MFN2: variants seen among roughly 807,000 people sequenced by gnomAD.
The protein encoded by MFN2 is mitofusin 2.
In MFN2, 43 loss-of-function variants were observed where a neutral mutation model predicts 87.5. The ratio of observed to expected loss-of-function variants is 0.49; its 90% CI spans 0.38 to 0.63. MFN2 has a LOEUF of 0.63. MFN2 is among the 30% of genes least tolerant of loss of function. The pLI is 0.00. For missense variants in MFN2, 743 were observed against 972.8 expected (o/e 0.76, Z 3.14); for synonymous variants, 337 against 359.9 (o/e 0.94, Z 0.72).
chr1:11,990,320 C>T (rs1034141683), intron 3 of MFN2, among the ~76,000 whole-genome samples: 1 of 152,216 alleles, frequency 6.6e-6, no homozygotes, highest in African/African-American at 2.4e-5. Flanking sequence ...GAAGGTGTTT[C>T]CTAAATACTT....
intron 8 of MFN2, among the ~76,000 whole-genome samples, chr1:11,999,865 T>G (rs1639095015): frequency 6.6e-6 from 1 of 151,732 alleles, no homozygotes. Flanking sequence ...GAGGCCGATG[T>G]GGGCGGATCA....
In MFN2 at chr1:12,003,855, C is replaced by A; in HGVS notation, c.1161-137C>A. 1 of 1,116,340 alleles carries A rather than the reference C, an allele frequency of 9.0e-7. No individual in the cohort carries two copies. Among genetic ancestry groups the A allele is most frequent in the Non-Finnish European group, 1.3e-6 (1 of 740,972 alleles). 69.2% of individuals were successfully genotyped at this position (1,116,340 alleles called of 1,614,324 possible). A position where few individuals can be genotyped will look rare whatever the true frequency, so the allele number is the denominator to read the frequency against. On this transcript the variant is annotated intron_variant, in intron 11 of 18. Coordinates refer to ENST00000235329, the MANE Select transcript of MFN2 (RefSeq NM_014874.4). The surrounding 1 kb of genome is among the most constrained non-coding windows in gnomAD (Gnocchi z 4.1). ...CTCTTCTTACCTGGGAAGGGGAAGG[C>A]CATGCCCCTGGGTGCGTGTGTGCAG... is the stretch of plus-strand genomic sequence containing the variant.
chr1:12,006,720 G>A (rs769655824), intron 16 of MFN2, 27 bp downstream of exon 16: 6 of 1,613,802 alleles, frequency 3.7e-6, no homozygotes, highest in Non-Finnish European at 5.1e-6. Context: ...GCTCGGGAAG[G>A]TGGGGGCGGA....
intron 17 of MFN2, 91 bp downstream of exon 17, chr1:12,007,340 G>T (rs767663990): frequency 3.7e-5 from 55 of 1,477,674 alleles, no homozygotes; most frequent in Non-Finnish European, 4.9e-5. Context: ...ACGTGGCCTG[G>T]AAGCCACTGG....
rs56150064 is a variant in MFN2 at position 12,011,865 on chromosome 1, C to A, written c.*300C>A. 1 of 494,168 alleles carries A rather than the reference C, an allele frequency of 2.0e-6. No homozygotes were observed. The highest frequency in any genetic ancestry group is 1.9e-5 in the African/African-American group (1 of 51,650). The allele number at this position is 494,168 out of a possible 1,614,324, so 30.6% of individuals were successfully genotyped here. On this transcript the variant is annotated 3_prime_UTR_variant, in exon 19 of 19. Coordinates refer to ENST00000235329, the MANE Select transcript of MFN2 (RefSeq NM_014874.4). ...CAGCTTTCTCTGGTTCATTTGATTG[C>A]TTGATAAGGCCTCAGGATCTCAGCA...
chr1:11,991,923 C>CAAAAAAA (rs35314016), intron 3 of MFN2, among the ~76,000 whole-genome samples: 659 of 16,718 alleles, frequency 0.039, 116 homozygotes, highest in Non-Finnish European at 0.056. Flanking sequence ...GACTCCGTCT[C>CAAAAAAA]AAAAAAAAAA....
At chr1:11,990,638 A>G (rs939330202) in intron 3 of MFN2, among the ~76,000 whole-genome samples, 13 of 152,228 alleles carry the variant, frequency 8.5e-5, no homozygotes, top group Non-Finnish European at 8.8e-5. Context: ...TGGAAGGGAA[A>G]GAGCTGGAGT....
rs768355266 is a variant in MFN2, at chr1:11,997,879, C to CTTTTTTTTT, written c.599+472_599+480dup. Among the ~76,000 whole-genome samples the CTTTTTTTTT allele has an allele frequency of 1.6e-4, 15 of 95,864 alleles. 1 individual carries two copies. The highest frequency in any genetic ancestry group is 8.0e-4 in the South Asian group (2 of 2,498). The allele number at this position is 95,864 out of a possible 152,430, so 62.9% of individuals were successfully genotyped here. On this transcript the variant is annotated intron_variant, in intron 6 of 18. Transcript: ENST00000235329. The stretch of plus-strand genomic sequence containing the variant: ...CAACTTCACCTTAATTGTATATCAT[C>CTTTTTTTTT]TTTTTTTTTTTTTTTTTTTTTTGAG...
chr1:12,011,392 A>T, intron 18 of MFN2, 104 bp from the exon 19 acceptor site: 1 of 1,135,478 alleles, frequency 8.8e-7, no homozygotes, highest in Non-Finnish European at 1.3e-6. Context: ...TTGGAGGATG[A>T]TGTAAGGGTG....
chr1:12,007,856 T>C (rs1639491105), intron 17 of MFN2, among the ~76,000 whole-genome samples: 1 of 152,020 alleles, frequency 6.6e-6, no homozygotes, highest in African/African-American at 2.4e-5. Context: ...GATAAACAAG[T>C]GAACAAAGGT....
Position 12,011,416 on chromosome 1 carries a change from C to T in MFN2, c.2205-80C>T, listed in dbSNP as rs1639690746. The T allele has an allele frequency of 2.8e-6, 4 of 1,426,412 alleles. No homozygotes were observed. In the Admixed American group the frequency reaches 6.8e-5, roughly 24 times the overall value. The allele number at this position is 1,426,412 out of a possible 1,614,324, so 88.4% of individuals were successfully genotyped here. A position where few individuals can be genotyped will look rare whatever the true frequency, so the allele number is the denominator to read the frequency against. On this transcript the variant is annotated intron_variant, in intron 18 of 18. Transcript: ENST00000235329. ...GATGTAAGGGTGTGTGTCAAGCGTC[C>T]TTAGGATGGTGCCTGGCGGGTAGTC...
chr1:12,005,937 C>T lies in MFN2; in HGVS notation c.1716+6C>T. On this transcript the variant is annotated splice_donor_region_variant and intron_variant, in intron 15 of 18. Transcript: ENST00000235329. The stretch of plus-strand genomic sequence containing the variant: ...TGATGGGCTACAATGACCAGGCAAG[C>T]AAAGTTCCTCACCTCAAGGGCATTG... 6.2e-7 allele frequency: 1 copy of T among 1,612,736 alleles called. No individual in the cohort carries two copies. The highest frequency in any genetic ancestry group is 1.1e-5 in the South Asian group (1 of 91,002).
At chr1:11,984,466 TC>T (rs1638305153) in intron 2 of MFN2, among the ~76,000 whole-genome samples, 1 of 152,260 alleles carries the variant, frequency 6.6e-6, no homozygotes, top group Non-Finnish European at 1.5e-5. Context: ...GTTGCTTGCG[TC>T]ATCAACTTTA....
intron 2 of MFN2, among the ~76,000 whole-genome samples, chr1:11,985,100 A>G (rs1184211598): frequency 6.6e-6 from 1 of 152,088 alleles, no homozygotes; most frequent in Admixed American, 6.6e-5. Context: ...CTGAGCCCTC[A>G]ACCTGTGGGA....
At chr1:11,987,696 C>T (rs1317037814) in intron 2 of MFN2, among the ~76,000 whole-genome samples, 1 of 150,844 alleles carries the variant, frequency 6.6e-6, no homozygotes, top group Non-Finnish European at 1.5e-5. Flanking sequence ...CACTTTAATC[C>T]CAACACTTTG....
In MFN2 at chr1:11,989,248, C is replaced by T. The variant is rs775052063; in HGVS notation, c.80C>T (p.Ser27Phe). ...NKRHMAEVNA[S>F]PLKHFVTAKK... is the part of the protein sequence containing the mutation. ...AGACACATGGCTGAGGTGAATGCAT[C>T]CCCACTTAAGCACTTTGTCACTGCC... The change falls in exon 3 of 19, where the codon TCC (serine) becomes TTC (phenylalanine). Residue 27 changes from serine to phenylalanine, a missense_variant. Ser to Phe is a radical substitution (Grantham distance 155). Transcript: ENST00000235329. The T allele has an allele frequency of 6.2e-7, 1 of 1,614,048 alleles. No homozygotes were observed. The highest frequency in any genetic ancestry group is 1.1e-5 in the South Asian group (1 of 91,068).
chr1:11,987,629 C>CAAAAAAAA (rs35051330), intron 2 of MFN2, among the ~76,000 whole-genome samples: 1 of 134,812 alleles, frequency 7.4e-6, no homozygotes, highest in South Asian at 2.4e-4. Context: ...GACTCTGTCT[C>CAAAAAAAA]AGAAAAAAAA....
At chr1:11,989,999 T>C (rs1638605883) in intron 3 of MFN2, among the ~76,000 whole-genome samples, 1 of 152,160 alleles carries the variant, frequency 6.6e-6, no homozygotes, top group Non-Finnish European at 1.5e-5. Context: ...GGTCCTGAGA[T>C]TGTCTGTGGA....
At position 12,004,727 on chromosome 1, in the gene MFN2, C is replaced by T. The variant is rs1639327322; in HGVS notation, c.1393-98C>T. The T allele has an allele frequency of 6.7e-7, 1 of 1,488,872 alleles. No homozygotes were observed. The highest frequency in any genetic ancestry group is 9.4e-7 in the Non-Finnish European group (1 of 1,069,114). The allele number at this position is 1,488,872 out of a possible 1,614,324, so 92.2% of individuals were successfully genotyped here. A position where few individuals can be genotyped will look rare whatever the true frequency, so the allele number is the denominator to read the frequency against. On this transcript the variant is annotated intron_variant, in intron 13 of 18. Transcript: ENST00000235329. This position sits in a 1 kb window ranked among gnomAD's most constrained non-coding sequence, Gnocchi z 4.2. ...GACAGTAGAAGCCACAGAGACAAGG[C>T]CCAGGCTTCCGTCAGCCTTCTGGGG...
Sources: allele counts gnomAD v4.1 joint callset (sites outside exome capture counted in the v4.1 genomes callset), GRCh38; gene constraint gnomAD v4.1.1; non-coding constraint Gnocchi (gnomAD v3.1); transcripts MANE v1.5; gene names NCBI Gene and HGNC (gene_info 2026-07-23, HGNC 2026-07-21).